Variants in TRIP12 observed in about 807,000 individuals in gnomAD.
TRIP12 encodes thyroid hormone receptor interactor 12.
Under a neutral mutation model 244.2 loss-of-function variants are expected in TRIP12, and 25 were observed. The ratio of observed to expected loss-of-function variants is 0.10; its 90% CI spans 0.07 to 0.14. The LOEUF (loss-of-function observed/expected upper bound fraction) is 0.14. Ranked by LOEUF, TRIP12 falls within the 10% of genes least tolerant of loss-of-function variation. TRIP12 has a pLI of 1.00. For missense variants in TRIP12, 1,677 were observed against 2,486.4 expected (o/e 0.67, Z 6.92); for synonymous variants, 905 against 873.1 (o/e 1.04, Z -0.64).
intron 1 of TRIP12, among the ~76,000 whole-genome samples, chr2:229,884,038 G>C (rs1005051755): frequency 6.6e-6 from 1 of 151,426 alleles, no homozygotes; most frequent in Non-Finnish European, 1.5e-5. Context: ...TTGAACTCAG[G>C]GGGCAGAGGT....
chr2:229,922,646 C>T (rs759193158), upstream of TRIP12: 206 of 1,604,210 alleles, frequency 1.3e-4, no homozygotes, highest in Admixed American at 1.5e-3. Context: ...TCTCCTAACT[C>T]CCTACCTGGC....
chr2:229,807,863 C>A lies in TRIP12; in HGVS notation c.2341G>T (p.Glu781Ter). The A allele has an allele frequency of 6.2e-7, 1 of 1,610,612 alleles. No homozygotes were observed. Among genetic ancestry groups the A allele is most frequent in the South Asian group, 1.1e-5 (1 of 90,542 alleles). ...TCTTTTGGTAAACATGGCATAAGTT[C>A]ACTGAAAACAAAAAGTACAATAATT... The part of the protein sequence containing the change: ...ELYELTSLIC[E>*]LMPCLPKEGI... Residue 781 changes from glutamate (E) to a stop codon, truncating the protein, a stop_gained and splice_region_variant, in exon 17 of 42, where the codon GAA becomes TAA. Transcript: ENST00000675903. LOFTEE classifies it high-confidence loss of function.
intron 21 of TRIP12, 62 bp from the exon 22 acceptor site, chr2:229,799,445 T>C: frequency 1.4e-6 from 2 of 1,467,366 alleles, no homozygotes; most frequent in South Asian, 2.3e-5. Flanking sequence ...CTTCACTCAC[T>C]GAAAAAGCAA....
chr2:229,911,608 A>G (rs1433712800), intron 1 of TRIP12, among the ~76,000 whole-genome samples: 1 of 152,190 alleles, frequency 6.6e-6, no homozygotes, highest in Non-Finnish European at 1.5e-5. Flanking sequence ...CAAAGAAATA[A>G]TAAGTGTCTG....
chr2:229,917,969 A>G (rs375844020), intron 1 of TRIP12, among the ~76,000 whole-genome samples: 11 of 152,216 alleles, frequency 7.2e-5, no homozygotes, highest in African/African-American at 2.4e-4. Context: ...CACCCAGACC[A>G]ATCAGGTTTA....
At chr2:229,845,662 T>C (rs546683835) in intron 4 of TRIP12, among the ~76,000 whole-genome samples, 1 of 152,320 alleles carries the variant, frequency 6.6e-6, no homozygotes, top group South Asian at 2.1e-4. Context: ...TAAGGGTAGA[T>C]ATCAAAAAAA....
chr2:229,865,490 C>CAT (rs1178606139), intron 2 of TRIP12, among the ~76,000 whole-genome samples: 3 of 151,676 alleles, frequency 2.0e-5, no homozygotes, highest in Non-Finnish European at 4.4e-5. Context: ...ATATGATATG[C>CAT]ATATATATAA....
chr2:229,824,178 A>G (rs1266181225), intron 8 of TRIP12, among the ~76,000 whole-genome samples: 1 of 152,244 alleles, frequency 6.6e-6, no homozygotes, highest in African/African-American at 2.4e-5. Context: ...TATTAATTTA[A>G]GGTATGCTAT....
intron 2 of TRIP12, among the ~76,000 whole-genome samples, chr2:229,877,208 C>G (rs1216464227): frequency 2.0e-5 from 3 of 151,828 alleles, no homozygotes; most frequent in East Asian, 3.9e-4. Context: ...GAGTTAGACT[C>G]TGTCTCTAAA....
rs1401230591 is a variant in TRIP12 at position 229,787,438 on chromosome 2, A to G, written c.4995+67T>C. ...ACCAACATGCATATTTAGATATACT[A>G]CATTTCTAGTTTTTCCCATTATTTT... On this transcript the variant is annotated intron_variant, in intron 33 of 41. Transcript: ENST00000675903. 9 of 1,523,380 alleles carry G rather than the reference A, an allele frequency of 5.9e-6. No individual in the cohort carries two copies. The Admixed American group carries it at 1.8e-4, about 31-fold the overall frequency. 94.4% of individuals were successfully genotyped at this position (1,523,380 alleles called of 1,614,324 possible).
intron 2 of TRIP12, among the ~76,000 whole-genome samples, chr2:229,868,199 T>A (rs1166489543): frequency 6.6e-6 from 1 of 152,190 alleles, no homozygotes; most frequent in Non-Finnish European, 1.5e-5. Flanking sequence ...GAATACTTAC[T>A]TTCATTCATT....
intron 39 of TRIP12, 38 bp from the exon 40 acceptor site, chr2:229,769,363 A>G: frequency 6.3e-7 from 1 of 1,598,276 alleles, no homozygotes; most frequent in South Asian, 1.1e-5. Context: ...ATTACTAAGG[A>G]AACATTTGTT....
chr2:229,764,922 A>T lies in TRIP12; in HGVS notation c.*2632T>A, dbSNP rs2031325035. 6.6e-6 allele frequency: 1 copy of T among 152,216 alleles called. No individual in the cohort carries two copies. The highest frequency in any genetic ancestry group is 1.5e-5 in the Non-Finnish European group (1 of 68,044). The allele number at this position is 152,216 out of a possible 1,614,324, so 9.4% of individuals were successfully genotyped here. Reference sequence around the variant, plus strand: ...GGGAACCAGAGACAAGCATGAGAAGAGAAAAATCTGCGTTTCTTACGATGA... The same window carrying T: ...GGGAACCAGAGACAAGCATGAGAAGTGAAAAATCTGCGTTTCTTACGATGA... On this transcript the variant is annotated 3_prime_UTR_variant, in exon 42 of 42. Coordinates refer to ENST00000675903, the MANE Select transcript of TRIP12 (RefSeq NM_001348323.3).
chr2:229,882,939 T>A (rs2065185538), intron 1 of TRIP12, among the ~76,000 whole-genome samples: 1 of 152,220 alleles, frequency 6.6e-6, no homozygotes, highest in South Asian at 2.1e-4. Flanking sequence ...AACAAAGCTG[T>A]TTATCAAATT....
At position 229,810,990 on chromosome 2, in the gene TRIP12, A is replaced by G; in HGVS notation, c.2111T>C (p.Leu704Ser). ...ACTTAAAATGGGTGGAGTCACTACC[A>G]ACAGCTGTTGAACATTTGTAAGCAG... is the stretch of plus-strand genomic sequence containing the variant. The part of the protein sequence containing the change: ...KDLLTNVQQL[L>S]VVTPPILSSG... The change falls in exon 15 of 42, where the codon TTG becomes TCG. Residue 704 changes from leucine to serine, a missense_variant. By Grantham distance (145) the Leu-to-Ser change is moderately radical (BLOSUM62 -2). This residue lies in a region of TRIP12 where 572 missense variants were observed against 867.8 expected (regional missense o/e 0.66). Coordinates refer to ENST00000675903, the MANE Select transcript of TRIP12 (RefSeq NM_001348323.3). 6.2e-7 allele frequency: 1 copy of G among 1,614,124 alleles called. No individual in the cohort carries two copies. The highest frequency in any genetic ancestry group is 8.5e-7 in the Non-Finnish European group (1 of 1,180,002).
intron 5 of TRIP12, among the ~76,000 whole-genome samples, chr2:229,838,872 T>C (rs1352917126): frequency 1.3e-5 from 2 of 152,240 alleles, no homozygotes; most frequent in Middle Eastern, 3.2e-3. Context: ...ATATTTCTTA[T>C]GACTTATAGG....
rs560170905 is a variant in TRIP12 at position 229,854,537 on chromosome 2, G to A, written c.1027+4235C>T. Reference sequence around the variant, plus strand: ...ATAGCTATTATGCCCATTTTACGGAGAACAAGTTACAAACATTCCCCACAG... The same window carrying A: ...ATAGCTATTATGCCCATTTTACGGAAAACAAGTTACAAACATTCCCCACAG... On this transcript the variant is annotated intron_variant, in intron 4 of 41. Coordinates refer to ENST00000675903, the MANE Select transcript of TRIP12 (RefSeq NM_001348323.3). Among the ~76,000 whole-genome samples, 13 of 152,244 alleles carry A rather than the reference G, an allele frequency of 8.5e-5. 1 individual carries two copies. Among genetic ancestry groups the A allele is most frequent in the African/African-American group, 3.1e-4 (13 of 41,546 alleles).
intron 7 of TRIP12, 48 bp downstream of exon 7, chr2:229,830,708 A>T: frequency 6.7e-7 from 1 of 1,497,852 alleles, no homozygotes; most frequent in Non-Finnish European, 9.3e-7. Flanking sequence ...TGGTATTAAC[A>T]GGTAGCTCAT....
intron 25 of TRIP12, 114 bp downstream of exon 25, chr2:229,796,477 G>T: frequency 2.3e-6 from 2 of 881,974 alleles, no homozygotes; most frequent in Non-Finnish European, 3.2e-6. Flanking sequence ...AAACCTAGAA[G>T]TTTTCCCTCA....
Sources: gnomAD v4.1 joint callset for allele counts (sites outside exome capture counted in the v4.1 genomes callset) on GRCh38, gnomAD v4.1.1 for gene constraint, gnomAD v4.1.1 regional missense constraint, MANE v1.5 for transcripts, NCBI Gene and HGNC (gene_info 2026-07-23, HGNC 2026-07-21) for gene names.